Variants in GIP observed in about 807,000 individuals in gnomAD.
GIP encodes glucose-dependent insulinotropic polypeptide.
Under a neutral mutation model 18.1 loss-of-function variants are expected in GIP, and 16 were observed. That is an observed-to-expected ratio of 0.88 (90% CI 0.60 to 1.34). GIP has a LOEUF of 1.34. Among genes scored for constraint, GIP ranks in the 40% most tolerant of loss-of-function variants. The pLI, the probability that GIP is intolerant of heterozygous loss-of-function variation, is 0.00. For synonymous variants in GIP, 76 were observed against 74.0 expected (o/e 1.03, Z -0.14); for missense variants, 192 against 183.4 (o/e 1.05, Z -0.27).
At position 48,964,420 on chromosome 17, in the gene GIP, GC is replaced by G; in HGVS notation, c.146del (p.Gly49AlafsTer26). The G allele has an allele frequency of 6.2e-7, 1 of 1,613,946 alleles. No homozygotes were observed. The highest frequency in any genetic ancestry group is 8.5e-7 in the Non-Finnish European group (1 of 1,179,820). On this transcript the variant is annotated frameshift_variant, in exon 3 of 6. Transcript: ENST00000357424. LOFTEE classifies it high-confidence loss of function. Reference protein sequence around the residue: ...HAKVSSPQPRGPRYAEGTFIS... With the variant: ...HAKVSSPQPRXPRYAEGTFIS... ...TGAAAGTCCCTTCCGCGTACCTGGG[GC>G]CTCGAGGTTGAGGGCTGCTCACCTT...
chr17:48,965,138 C>CAAAAAAAAAAAAAAA lies in GIP; in HGVS notation c.87-659_87-658insTTTTTTTTTTTTTTT, dbSNP rs33956589. Among the ~76,000 whole-genome samples, 30 of 109,610 alleles carry CAAAAAAAAAAAAAAA rather than the reference C, an allele frequency of 2.7e-4. 11 individuals are homozygous for CAAAAAAAAAAAAAAA. The highest frequency in any genetic ancestry group is 1.3e-3 in the African/African-American group (27 of 21,130). 71.9% of individuals were successfully genotyped at this position (109,610 alleles called of 152,430 possible). ...TGGGAGACAGAGCGAGACTCCGTCT[C>CAAAAAAAAAAAAAAA]AAAAAAAAAAAAATTAGCCAGGCGT... On this transcript the variant is annotated intron_variant, in intron 2 of 5. Transcript: ENST00000357424.
chr17:48,962,886 C>G (rs1331827552), intron 3 of GIP, among the ~76,000 whole-genome samples: 1 of 150,844 alleles, frequency 6.6e-6, no homozygotes, highest in Non-Finnish European at 1.5e-5. Flanking sequence ...GGGCAGATCA[C>G]GAGGTCAGGA....
chr17:48,967,051 T>C lies in GIP; in HGVS notation c.86+96A>G, dbSNP rs571132370. 4.4e-6 allele frequency: 4 copies of C among 906,992 alleles called. No homozygotes were observed. In the African/African-American group the frequency reaches 6.5e-5, roughly 15 times the overall value. 56.2% of individuals were successfully genotyped at this position (906,992 alleles called of 1,614,324 possible). A position where few individuals can be genotyped will look rare whatever the true frequency, so the allele number is the denominator to read the frequency against. On this transcript the variant is annotated intron_variant, in intron 2 of 5. Coordinates refer to ENST00000357424, the MANE Select transcript of GIP (RefSeq NM_004123.3). ...GGAGCTTCCTACCTCTTAGCCTGGATTCCTTCCCTTTCTCATCTCCCCCTA... is the reference window on the plus strand; with the variant it reads ...GGAGCTTCCTACCTCTTAGCCTGGACTCCTTCCCTTTCTCATCTCCCCCTA...
rs1456063649 is a variant in GIP, at chr17:48,967,160, C to G, written c.73G>C (p.Glu25Gln). 1 of 1,613,014 alleles carries G rather than the reference C, an allele frequency of 6.2e-7. No individual in the cohort carries two copies. Among genetic ancestry groups the G allele is most frequent in the Admixed American group, 1.7e-5 (1 of 59,994 alleles). The stretch of plus-strand genomic sequence containing the variant: ...CACCACTCCTACCTGAAGTGACCCT[C>G]TTTCTTCTCTCCTAGTCCCACTGCC... ...FLAVGLGEKK[E>Q]GHFSALPSLP... Residue 25 changes from glutamate (E) to glutamine (Q), a missense_variant, in exon 2 of 6, where the codon GAG (glutamate) becomes CAG (glutamine). Transcript: ENST00000357424.
At chr17:48,962,278 G>A (rs1025349450) in intron 3 of GIP, among the ~76,000 whole-genome samples, 1 of 151,802 alleles carries the variant, frequency 6.6e-6, no homozygotes, top group Non-Finnish European at 1.5e-5. Context: ...GGCTGTTCTC[G>A]AATGAACTCG....
At chr17:48,967,367 T>C (rs2143854605) in intron 1 of GIP, 114 bp from the exon 2 acceptor site, 1 of 646,724 alleles carries the variant, frequency 1.5e-6, no homozygotes, top group Non-Finnish European at 2.6e-6. Flanking sequence ...TTCTTTTTTT[T>C]TTTTTTTTTT....
chr17:48,962,976 G>C (rs186141576), intron 3 of GIP, among the ~76,000 whole-genome samples: 6 of 151,968 alleles, frequency 3.9e-5, no homozygotes, highest in African/African-American at 1.4e-4. Flanking sequence ...GCATGGTGGC[G>C]GGCACCTGTA....
intron 3 of GIP, 136 bp downstream of exon 3, chr17:48,964,174 A>AG (rs1203355659): frequency 1.5e-5 from 9 of 594,906 alleles, no homozygotes; most frequent in South Asian, 9.9e-5. Context: ...AAAAAAAAAA[A>AG]AAAGAAAAGA....
intron 3 of GIP, 26 bp from the exon 4 acceptor site, chr17:48,961,845 G>A: frequency 6.6e-7 from 1 of 1,510,304 alleles, no homozygotes; most frequent in Non-Finnish European, 9.2e-7. Context: ...TTAGAGAGTG[G>A]GCAAGCTGCG....
Position 48,963,862 on chromosome 17 carries a change from A to AAG in GIP, c.257+446_257+447dup, listed in dbSNP as rs1555588105. On this transcript the variant is annotated intron_variant, in intron 3 of 5. Transcript: ENST00000357424. ...GTCTCAAAAAAAAAAAAAAAAAAAA[A>AAG]AGAGAGAGAGAGGCGGGGTATGGTG... 1.2e-3 allele frequency among the ~76,000 whole-genome samples: 162 copies of AAG among 136,722 alleles called. 1 individual carries two copies. Among genetic ancestry groups the AAG allele is most frequent in the African/African-American group, 2.2e-3 (78 of 34,916 alleles). 89.7% of individuals were successfully genotyped at this position (136,722 alleles called of 152,430 possible).
intron 1 of GIP, 31 bp from the exon 2 acceptor site, chr17:48,967,284 G>A: frequency 6.9e-7 from 1 of 1,442,528 alleles, no homozygotes; most frequent in Middle Eastern, 1.7e-4. Flanking sequence ...GACATGTTGA[G>A]AGAGCAACCA....
intron 2 of GIP, among the ~76,000 whole-genome samples, chr17:48,965,450 A>G (rs2041231041): frequency 6.8e-6 from 1 of 147,272 alleles, no homozygotes. Flanking sequence ...TAAAAATACA[A>G]AAAAATTAGC....
Position 48,961,768 on chromosome 17 carries a change from A to G in GIP, c.309T>C (p.Ser103=). The change falls in exon 4 of 6, where the codon AGT becomes AGC. Residue 103 remains serine (S), a synonymous_variant. Coordinates refer to ENST00000357424, the MANE Select transcript of GIP (RefSeq NM_004123.3). ...CCTCCTCCTCCTTCCTATTAGCTTG[A>G]CTGGCCAGCTCCAGCGCCCGAGCCT... ...QREARALELA[S]QANRKEEEAV... The G allele has an allele frequency of 6.2e-7, 1 of 1,612,592 alleles. No individual in the cohort carries two copies.
At chr17:48,966,544 G>A (rs754667450) in intron 2 of GIP, among the ~76,000 whole-genome samples, 4 of 150,076 alleles carry the variant, frequency 2.7e-5, no homozygotes, top group Non-Finnish European at 5.9e-5. Flanking sequence ...GTGACAGAGC[G>A]AGACTCCATC....
At chr17:48,964,209 G>T in intron 3 of GIP, 101 bp downstream of exon 3, 2 of 720,306 alleles carry the variant, frequency 2.8e-6, no homozygotes, top group Non-Finnish European at 4.8e-6. Context: ...ACCTGGGGTT[G>T]TGCATCATGT....
intron 2 of GIP, among the ~76,000 whole-genome samples, chr17:48,965,020 C>T (rs7221474): frequency 0.97 from 147,631 of 151,440 alleles, 72,088 homozygotes; most frequent in East Asian, 1. Context: ...GCGCCTGTAG[C>T]CCCGGCTACT....
rs948945276 is a variant in GIP at position 48,958,607 on chromosome 17, A to G, written c.*100T>C. 1 of 946,610 alleles carries G rather than the reference A, an allele frequency of 1.1e-6. No individual in the cohort carries two copies. The highest frequency in any genetic ancestry group is 1.7e-6 in the Non-Finnish European group (1 of 601,640). The allele number at this position is 946,610 out of a possible 1,614,324, so 58.6% of individuals were successfully genotyped here. A position where few individuals can be genotyped will look rare whatever the true frequency, so the allele number is the denominator to read the frequency against. On this transcript the variant is annotated 3_prime_UTR_variant, in exon 6 of 6. Coordinates refer to ENST00000357424, the MANE Select transcript of GIP (RefSeq NM_004123.3). ...TTTCACAATGGGCTCGACTTAGCATAAACTTTATTGGTTTGGGTTCTCTTG... is the reference window on the plus strand; with the variant it reads ...TTTCACAATGGGCTCGACTTAGCATGAACTTTATTGGTTTGGGTTCTCTTG...
Position 48,960,918 on chromosome 17 carries a change from G to T in GIP, c.420C>A (p.Cys140Ter). 6.2e-7 allele frequency: 1 copy of T among 1,607,172 alleles called. No individual in the cohort carries two copies. Among genetic ancestry groups the T allele is most frequent in the Admixed American group, 1.7e-5 (1 of 59,056 alleles). The stretch of plus-strand genomic sequence containing the variant: ...TGCAGAGGTTTGTCTGATCCAGCAA[G>T]CAGGCCAACAGCTCTTGAATCAGCA... Reference protein sequence around the residue: ...RDLLIQELLACLLDQTNLCRL... With the variant: ...RDLLIQELLA The change falls in exon 5 of 6, where the codon TGC (cysteine) becomes TGA (stop). Residue 140 changes from cysteine (C) to a stop codon, truncating the protein, a stop_gained. Coordinates refer to ENST00000357424, the MANE Select transcript of GIP (RefSeq NM_004123.3). LOFTEE classifies it high-confidence loss of function.
At chr17:48,963,819 CAACAA>C (rs1279511332) in intron 3 of GIP, among the ~76,000 whole-genome samples, 1 of 76,402 alleles carries the variant, frequency 1.3e-5, no homozygotes. Flanking sequence ...CCAGCCTGGG[CAACAA>C]GAGCAAAACT....
Sources: gnomAD v4.1 joint callset for allele counts (sites outside exome capture counted in the v4.1 genomes callset) on GRCh38, gnomAD v4.1.1 for gene constraint, MANE v1.5 for transcripts, NCBI Gene and HGNC (gene_info 2026-07-23, HGNC 2026-07-21) for gene names.